MZT2B: variants seen among roughly 807,000 people sequenced by gnomAD.
MZT2B encodes the protein mitotic spindle organizing protein 2B, also known as mitotic-spindle organizing protein 2B.
Under a neutral mutation model 12.1 loss-of-function variants are expected in MZT2B, and 11 were observed. The ratio of observed to expected loss-of-function variants is 0.91; its 90% CI spans 0.57 to 1.50. The LOEUF is 1.50. MZT2B is among the 40% of genes most tolerant of loss of function. The pLI is 0.00. For missense variants in MZT2B, 209 were observed against 227.7 expected, an observed-to-expected ratio of 0.92 and a Z score of 0.53; for synonymous variants, 85 against 109.5, an observed-to-expected ratio of 0.78 and a Z score of 1.40.
chr2:130,194,181 G>T (rs13000249), downstream of MZT2B: 573,769 of 1,603,746 alleles, frequency 0.36, 74,042 homozygotes, highest in Admixed American at 0.4. Context: ...TACGTGGGAC[G>T]TTCAATGTCC....
chr2:130,184,480 G>C (rs1689978584), intron 2 of MZT2B: 1 of 985,374 alleles, frequency 1.0e-6, no homozygotes. Flanking sequence ...TCCTGAGTTA[G>C]CACACTTTCC....
In MZT2B at chr2:130,190,682, C is replaced by A; in HGVS notation, c.*56C>A. 6.4e-7 allele frequency: 1 copy of A among 1,556,822 alleles called. No homozygotes were observed. The highest frequency in any genetic ancestry group is 1.2e-5 in the South Asian group (1 of 84,922). ...CCCAGCAAAGGCTACATGTTACCTC[C>A]TTCAATTGATAATAAACCTTTCTGA... On this transcript the variant is annotated 3_prime_UTR_variant, in exon 3 of 3. Coordinates refer to ENST00000281871, the MANE Select transcript of MZT2B (RefSeq NM_025029.5).
the MZT2B span, among the ~76,000 whole-genome samples, chr2:130,200,857 G>A: frequency 6.6e-6 from 1 of 152,240 alleles, no homozygotes; most frequent in Non-Finnish European, 1.5e-5. Context: ...TTCCTTGTAG[G>A]CTGGGACTAC....
At chr2:130,202,136 A>C in the MZT2B span, among the ~76,000 whole-genome samples, 3 of 152,280 alleles carry the variant, frequency 2.0e-5, no homozygotes. Flanking sequence ...TCCATAATTG[A>C]CTTGCAGTAA....
chr2:130,182,907 G>A, intron 2 of MZT2B, 132 bp downstream of exon 2: 2 of 1,337,528 alleles, frequency 1.5e-6, no homozygotes, highest in Non-Finnish European at 2.0e-6. Flanking sequence ...CACCTGCAGG[G>A]CCCATCCGTG....
chr2:130,200,185 A>T, the MZT2B span, among the ~76,000 whole-genome samples: 3 of 152,054 alleles, frequency 2.0e-5, no homozygotes, highest in Middle Eastern at 3.4e-3. Flanking sequence ...AGGTCAGGAG[A>T]TCGAGACCAT....
chr2:130,186,526 C>A (rs548525707), intron 2 of MZT2B, among the ~76,000 whole-genome samples: 45 of 152,330 alleles, frequency 3.0e-4, no homozygotes, highest in Admixed American at 1.8e-3. Context: ...AGTGTGGAAG[C>A]CATCTCACCT....
At chr2:130,196,193 T>G in the MZT2B span, 2 of 1,613,992 alleles carry the variant, frequency 1.2e-6, no homozygotes, top group South Asian at 1.1e-5. Context: ...TCTGGGCACG[T>G]GCTTGCCAGC....
At chr2:130,192,060 A>G, downstream of MZT2B, 2 of 1,613,642 alleles carry the variant, frequency 1.2e-6, no homozygotes, top group Non-Finnish European at 1.7e-6. Flanking sequence ...CAGCATGCAC[A>G]CGGCCCGCTG....
At chr2:130,195,948 G>C in the MZT2B span, among the ~76,000 whole-genome samples, 4 of 152,210 alleles carry the variant, frequency 2.6e-5, no homozygotes, top group Non-Finnish European at 5.9e-5. Context: ...TTTCCCTGTA[G>C]GTCAGGTTTT....
intron 2 of MZT2B, chr2:130,184,654 G>T (rs1406927446): frequency 4.1e-6 from 4 of 985,340 alleles, no homozygotes; most frequent in Non-Finnish European, 4.8e-6. Context: ...CAGGCCTGGA[G>T]TAGGGGTGTA....
chr2:130,185,130 A>G (rs1690008002), intron 2 of MZT2B, among the ~76,000 whole-genome samples: 1 of 152,128 alleles, frequency 6.6e-6, no homozygotes, highest in Non-Finnish European at 1.5e-5. Flanking sequence ...TAACACGGTG[A>G]AACCCCGTCT....
downstream of MZT2B, among the ~76,000 whole-genome samples, chr2:130,191,354 CT>C (rs1234077399): frequency 6.7e-6 from 1 of 148,524 alleles, no homozygotes; most frequent in East Asian, 2.0e-4. Context: ...GGTTAATATT[CT>C]TTCCCCCTCT....
At chr2:130,197,372 A>AACACTTTG in the MZT2B span, among the ~76,000 whole-genome samples, 134 of 120,778 alleles carry the variant, frequency 1.1e-3, no homozygotes, top group South Asian at 1.4e-3. Flanking sequence ...CTGTAGTACC[A>AACACTTTG]GCTACTCGGA....
downstream of MZT2B, chr2:130,194,974 G>A (rs543385747): frequency 1.5e-5 from 23 of 1,551,654 alleles, no homozygotes; most frequent in African/African-American, 5.5e-5. Flanking sequence ...CACCGCGCCC[G>A]GCCAAGATGC....
downstream of MZT2B, among the ~76,000 whole-genome samples, chr2:130,191,008 G>A (rs1356065039): frequency 1.3e-5 from 2 of 152,100 alleles, no homozygotes; most frequent in South Asian, 2.1e-4. Context: ...GGAGTGCAGT[G>A]GTGCGATCTC....
At chr2:130,199,489 A>G in the MZT2B span, among the ~76,000 whole-genome samples, 8 of 122,230 alleles carry the variant, frequency 6.5e-5, 3 homozygotes, top group East Asian at 1.1e-3. Context: ...GGCAGAGGTT[A>G]CAGTGAGCTG....
upstream of MZT2B, chr2:130,181,918 A>G (rs1689689353): frequency 2.7e-6 from 4 of 1,481,362 alleles, no homozygotes; most frequent in African/African-American, 1.4e-5. Context: ...CGGACCAGAA[A>G]ATTGCACGCT....
chr2:130,198,494 G>T, the MZT2B span: 1 of 1,121,580 alleles, frequency 8.9e-7, no homozygotes, highest in South Asian at 1.6e-5. Context: ...GCCGCCATTG[G>T]CTCGGAGTTC....
Sources: gnomAD v4.1 joint callset for allele counts (sites outside exome capture counted in the v4.1 genomes callset) on GRCh38, gnomAD v4.1.1 for gene constraint, MANE v1.5 for transcripts, NCBI Gene and HGNC (gene_info 2026-07-23, HGNC 2026-07-21) for gene names.